Variants in RAD54L2 observed in about 807,000 individuals in gnomAD.
RAD54L2 encodes the protein RAD54 like 2, also known as helicase ARIP4.
A neutral mutation model predicts 138.4 loss-of-function variants in RAD54L2; 27 were observed. The observed-to-expected ratio is 0.20, with a 90% CI of 0.14 to 0.27. The LOEUF (loss-of-function observed/expected upper bound fraction) is 0.27, where lower values mean the gene tolerates loss of function less well. Among genes scored for constraint, RAD54L2 ranks in the 10% least tolerant of loss-of-function variants. The pLI is 1.00. For synonymous variants in RAD54L2, 644 were observed against 723.2 expected (o/e 0.89, Z 1.76); for missense variants, 1,396 against 1,890.2 (o/e 0.74, Z 4.85).
chr3:51,539,799 G>T (rs571437019), intron 1 of RAD54L2, among the ~76,000 whole-genome samples: 2 of 152,190 alleles, frequency 1.3e-5, no homozygotes, highest in Non-Finnish European at 2.9e-5. Context: ...TAGGATTCCT[G>T]TTGCTTGCTA....
rs534843860 is a variant in RAD54L2, at chr3:51,603,355, C to T, written c.139+12796C>T. Among the ~76,000 whole-genome samples, 630 of 152,068 alleles carry T rather than the reference C, an allele frequency of 4.1e-3. 6 individuals are homozygous for T. Among genetic ancestry groups the T allele is most frequent in the African/African-American group, 0.014 (599 of 41,506 alleles). ...ATGCAGTGGCTCACACCTGTAATCCCAGCACTTTGGGAGGCCGAGGCAGGT... is the reference window on the plus strand; with the variant it reads ...ATGCAGTGGCTCACACCTGTAATCCTAGCACTTTGGGAGGCCGAGGCAGGT... On this transcript the variant is annotated intron_variant, in intron 3 of 22. Coordinates refer to ENST00000684192, the MANE Select transcript of RAD54L2 (RefSeq NM_015106.4).
chr3:51,620,407 C>CT (rs60585256), intron 3 of RAD54L2, among the ~76,000 whole-genome samples: 5,469 of 82,374 alleles, frequency 0.066, 310 homozygotes, highest in East Asian at 0.31. Flanking sequence ...TCCTACTGGT[C>CT]TTTTTTTTTT....
At chr3:51,598,133 A>G (rs78049569) in intron 3 of RAD54L2, among the ~76,000 whole-genome samples, 16,930 of 144,950 alleles carry the variant, frequency 0.12, 1,130 homozygotes, top group Middle Eastern at 0.2. Flanking sequence ...ATATATATAT[A>G]TGTGTGTATA....
intron 20 of RAD54L2, among the ~76,000 whole-genome samples, chr3:51,656,660 T>C (rs1559656625): frequency 6.6e-6 from 1 of 152,238 alleles, no homozygotes; most frequent in Non-Finnish European, 1.5e-5. Flanking sequence ...CAGGAGCTGG[T>C]TCTGTGATTC....
intron 2 of RAD54L2, among the ~76,000 whole-genome samples, chr3:51,552,158 A>T (rs1044130369): frequency 5.3e-5 from 8 of 152,202 alleles, no homozygotes; most frequent in Non-Finnish European, 1.0e-4. Flanking sequence ...TATCACTTTC[A>T]AAAGATTGTA....
chr3:51,560,518 G>A (rs1699074364), intron 2 of RAD54L2, among the ~76,000 whole-genome samples: 3 of 151,558 alleles, frequency 2.0e-5, no homozygotes, highest in Non-Finnish European at 4.4e-5. Flanking sequence ...CCACCACCAC[G>A]CCTGGCTAAT....
At chr3:51,603,978 G>C (rs915152365) in intron 3 of RAD54L2, among the ~76,000 whole-genome samples, 2 of 152,182 alleles carry the variant, frequency 1.3e-5, no homozygotes, top group East Asian at 3.8e-4. Context: ...CTGTATGGGG[G>C]ATAAGGGATA....
In RAD54L2 at chr3:51,662,077, C is replaced by T. The variant is rs1392685520; in HGVS notation, c.3410-349C>T. On this transcript the variant is annotated intron_variant, in intron 22 of 22. Coordinates refer to ENST00000684192, the MANE Select transcript of RAD54L2 (RefSeq NM_015106.4). This position sits in a 1 kb window ranked among gnomAD's most constrained non-coding sequence, Gnocchi z 4.6. Reference sequence around the variant, plus strand: ...TTTAGCTTGATTTTCCTCTTTCCCCCACATTGATCACTGACTGTCTCTTAC... The same window carrying T: ...TTTAGCTTGATTTTCCTCTTTCCCCTACATTGATCACTGACTGTCTCTTAC... 6.6e-6 allele frequency among the ~76,000 whole-genome samples: 1 copy of T among 152,134 alleles called. No homozygotes were observed. The highest frequency in any genetic ancestry group is 2.4e-5 in the African/African-American group (1 of 41,426).
intron 2 of RAD54L2, among the ~76,000 whole-genome samples, chr3:51,556,639 T>C (rs893435510): frequency 1.3e-5 from 2 of 152,036 alleles, no homozygotes; most frequent in African/African-American, 4.8e-5. Context: ...TGCAGTGGCA[T>C]GATCTCGGCT....
chr3:51,638,097 C>T lies in RAD54L2; in HGVS notation c.1683-47C>T, dbSNP rs746789614. The T allele has an allele frequency of 3.8e-6, 6 of 1,591,260 alleles. No individual in the cohort carries two copies. In the African/African-American group the frequency reaches 6.7e-5, roughly 18 times the overall value. ...CTCTGTTTTTATCTTGTGCTGACCCCTCCTGGCCACACTACCTTGCCGTTT... is the reference window on the plus strand; with the variant it reads ...CTCTGTTTTTATCTTGTGCTGACCCTTCCTGGCCACACTACCTTGCCGTTT... On this transcript the variant is annotated intron_variant, in intron 11 of 22. Transcript: ENST00000684192. This position sits in a 1 kb window ranked among gnomAD's most constrained non-coding sequence, Gnocchi z 4.3.
Position 51,631,545 on chromosome 3 carries a change from C to T in RAD54L2, c.825+614C>T, listed in dbSNP as rs376596874. ...TTTTTGTAGAGATGAGGTTTCGCCA[C>T]GTTGCCCAAGCTGATCTTGAACTCC... is the stretch of plus-strand genomic sequence containing the variant. On this transcript the variant is annotated intron_variant, in intron 7 of 22. Transcript: ENST00000684192. Among the ~76,000 whole-genome samples, 204 of 148,176 alleles carry T rather than the reference C, an allele frequency of 1.4e-3. 4 individuals carry two copies. The South Asian group carries it at 0.042, about 31-fold the overall frequency.
chr3:51,608,586 A>C (rs1037225536), intron 3 of RAD54L2, among the ~76,000 whole-genome samples: 2 of 152,216 alleles, frequency 1.3e-5, no homozygotes, highest in Non-Finnish European at 2.9e-5. Flanking sequence ...GCACCTCGGG[A>C]GGCTGAGGCT....
At chr3:51,546,494 G>T (rs1240387861) in intron 2 of RAD54L2, among the ~76,000 whole-genome samples, 1 of 151,338 alleles carries the variant, frequency 6.6e-6, no homozygotes, top group East Asian at 2.0e-4. Context: ...TACAAAATTA[G>T]CTGGGTGTGG....
intron 3 of RAD54L2, among the ~76,000 whole-genome samples, chr3:51,602,652 G>A (rs149107228): frequency 6.6e-6 from 1 of 152,170 alleles, no homozygotes; most frequent in Non-Finnish European, 1.5e-5. Flanking sequence ...CAGTGTGCGA[G>A]AGCAGCAGGG....
intron 3 of RAD54L2, among the ~76,000 whole-genome samples, chr3:51,596,874 G>A (rs1488307559): frequency 6.6e-6 from 1 of 152,172 alleles, no homozygotes; most frequent in Non-Finnish European, 1.5e-5. Context: ...CAAGAGTAGG[G>A]CTTTTCTTGC....
intron 3 of RAD54L2, among the ~76,000 whole-genome samples, chr3:51,612,340 T>A (rs991189412): frequency 6.6e-6 from 1 of 152,166 alleles, no homozygotes; most frequent in African/African-American, 2.4e-5. Flanking sequence ...TGGGCACCTG[T>A]AATCCCAGCT....
At position 51,637,280 on chromosome 3, in the gene RAD54L2, C is replaced by A; in HGVS notation, c.1459C>A (p.Arg487=). The part of the protein sequence containing the change: ...QALKNIRSRR[R]VVLTGYPLQN... ...TCTGAAGAATATCCGCTCTCGCCGC[C>A]GGGTGGTGCTGACTGGGTACCCTCT... Residue 487 remains arginine, a synonymous_variant, in exon 11 of 23, where the codon CGG becomes AGG. Transcript: ENST00000684192. The surrounding 1 kb of genome is among the most constrained non-coding windows in gnomAD (Gnocchi z 5.9). 6.2e-7 allele frequency: 1 copy of A among 1,610,756 alleles called. No homozygotes were observed.
At chr3:51,556,737 C>T (rs527686850) in intron 2 of RAD54L2, among the ~76,000 whole-genome samples, 15 of 152,108 alleles carry the variant, frequency 9.9e-5, no homozygotes, top group South Asian at 2.1e-4. Context: ...CCACCATGCC[C>T]GGCTAATTTT....
At chr3:51,598,408 G>A (rs929603886) in intron 3 of RAD54L2, among the ~76,000 whole-genome samples, 4 of 151,912 alleles carry the variant, frequency 2.6e-5, no homozygotes, top group East Asian at 1.9e-4. Context: ...CCACTCATAC[G>A]CTGGGGGAAG....
Sources: allele counts gnomAD v4.1 joint callset (sites outside exome capture counted in the v4.1 genomes callset), GRCh38; gene constraint gnomAD v4.1.1; non-coding constraint Gnocchi (gnomAD v3.1); transcripts MANE v1.5; gene names NCBI Gene and HGNC (gene_info 2026-07-23, HGNC 2026-07-21).